The following POLK variants were observed in gnomAD, a reference collection of about 807,000 sequenced individuals.
POLK encodes polymerase (DNA directed) kappa.
A neutral mutation model predicts 94.0 loss-of-function variants in POLK; 76 were observed. That is an observed-to-expected ratio of 0.81 (90% CI 0.67 to 0.98). The LOEUF (loss-of-function observed/expected upper bound fraction) is 0.98. POLK is among the 50% of genes least tolerant of loss of function. The pLI, the probability that POLK is intolerant of heterozygous loss-of-function variation, is 0.00. For missense variants in POLK, 954 were observed against 1,010.1 expected, an observed-to-expected ratio of 0.94 and a Z score of 0.75; for synonymous variants, 349 against 325.4, an observed-to-expected ratio of 1.07 and a Z score of -0.78.
In POLK at chr5:75,573,830, G is replaced by A. The variant is rs961843021; in HGVS notation, c.501G>A (p.Val167=). ...GGCTGTGCCCACAACTTATAATAGT[G>A]CCCCCCAACTTTGACAAATACCGAG... Residue 167 remains valine (V), a synonymous_variant, in exon 5 of 15, where the codon GTG becomes GTA. Coordinates refer to ENST00000241436, the Ensembl canonical transcript of POLK. 3.7e-6 allele frequency: 6 copies of A among 1,613,268 alleles called. No homozygotes were observed. In the African/African-American group the frequency reaches 8.0e-5, roughly 22 times the overall value.
At chr5:75,559,084 C>T (rs1326551758) in intron 3 of POLK, among the ~76,000 whole-genome samples, 1 of 152,176 alleles carries the variant, frequency 6.6e-6, no homozygotes, top group Admixed American at 6.5e-5. Flanking sequence ...ATTTGTTGAG[C>T]TTCCTCCAAA....
intron 1 of POLK, among the ~76,000 whole-genome samples, chr5:75,537,835 GT>G (rs1008632302): frequency 6.6e-6 from 1 of 151,478 alleles, no homozygotes; most frequent in African/African-American, 2.4e-5. Context: ...TTCAAATTTT[GT>G]TTTTTTTATT....
At chr5:75,524,334 A>C (rs1768731311) in intron 1 of POLK, among the ~76,000 whole-genome samples, 1 of 152,128 alleles carries the variant, frequency 6.6e-6, no homozygotes, top group South Asian at 2.1e-4. Context: ...TGTGGGTTGA[A>C]TGACTGTCTT....
In POLK at chr5:75,547,177, T is replaced by C; in HGVS notation, c.135+20T>C. ...ACGAAGGTATGTTTCTTGTTTCTTT[T>C]GATGTGTGTAATTTAATGACCTTTT... is the stretch of plus-strand genomic sequence containing the variant. On this transcript the variant is annotated intron_variant, in intron 2 of 14. Transcript: ENST00000241436. The C allele has an allele frequency of 1.4e-6, 2 of 1,439,936 alleles. No individual in the cohort carries two copies. Among genetic ancestry groups the C allele is most frequent in the Non-Finnish European group, 1.9e-6 (2 of 1,063,828 alleles). The allele number at this position is 1,439,936 out of a possible 1,614,324, so 89.2% of individuals were successfully genotyped here.
At chr5:75,533,252 G>T (rs1769269544) in intron 1 of POLK, among the ~76,000 whole-genome samples, 1 of 152,036 alleles carries the variant, frequency 6.6e-6, no homozygotes, top group Non-Finnish European at 1.5e-5. Context: ...ATCTTGAGTT[G>T]ATTTTTGTGT....
At chr5:75,536,501 A>G (rs917569086) in intron 1 of POLK, among the ~76,000 whole-genome samples, 1 of 151,972 alleles carries the variant, frequency 6.6e-6, no homozygotes, top group Middle Eastern at 3.2e-3. Flanking sequence ...GGGTGTTTCC[A>G]TGGCAACAGG....
chr5:75,553,808 T>G (rs934526585), intron 3 of POLK, among the ~76,000 whole-genome samples: 6 of 152,214 alleles, frequency 3.9e-5, no homozygotes, highest in African/African-American at 1.4e-4. Context: ...TTATTCTGTT[T>G]GCGAGTATAT....
At chr5:75,523,397 A>G (rs1768680717) in intron 1 of POLK, among the ~76,000 whole-genome samples, 1 of 152,338 alleles carries the variant, frequency 6.6e-6, no homozygotes, top group East Asian at 1.9e-4. Flanking sequence ...GCAATCTAAG[A>G]GAATTATCAA....
At chr5:75,604,178 C>G (rs1288227606), downstream of POLK, among the ~76,000 whole-genome samples, 2 of 152,092 alleles carry the variant, frequency 1.3e-5, no homozygotes, top group African/African-American at 4.8e-5. Context: ...AGTGGACATT[C>G]CAGAAAGAGA....
intron 9 of POLK, among the ~76,000 whole-genome samples, chr5:75,586,535 C>T (rs1486934420): frequency 6.6e-6 from 1 of 152,108 alleles, no homozygotes; most frequent in Non-Finnish European, 1.5e-5. Context: ...TTCAGATTCC[C>T]AATCTTCATC....
chr5:75,523,584 G>T (rs993574008), intron 1 of POLK, among the ~76,000 whole-genome samples: 2 of 152,182 alleles, frequency 1.3e-5, no homozygotes, highest in South Asian at 4.1e-4. Flanking sequence ...TGGTTTTACT[G>T]TGGAATGAGA....
downstream of POLK, chr5:75,601,160 A>G (rs143723375): frequency 2.6e-5 from 4 of 152,336 alleles, no homozygotes; most frequent in East Asian, 7.7e-4. Context: ...TTCGTTAACA[A>G]GATGATATTT....
chr5:75,513,851 T>A (rs1310870754), intron 1 of POLK, among the ~76,000 whole-genome samples: 1 of 152,196 alleles, frequency 6.6e-6, no homozygotes. Flanking sequence ...GCTTAGCTTT[T>A]GAGTCTCTTC....
chr5:75,518,799 T>C (rs1768435905), intron 1 of POLK, among the ~76,000 whole-genome samples: 1 of 152,208 alleles, frequency 6.6e-6, no homozygotes, highest in African/African-American at 2.4e-5. Context: ...ATCCCATAGA[T>C]TTTGGTATTT....
intron 9 of POLK, among the ~76,000 whole-genome samples, chr5:75,585,250 C>T (rs921491730): frequency 1.3e-5 from 2 of 152,110 alleles, no homozygotes; most frequent in African/African-American, 4.8e-5. Flanking sequence ...GAAAGATGGC[C>T]GTATTCCATA....
intron 4 of POLK, among the ~76,000 whole-genome samples, chr5:75,573,433 C>G (rs981881345): frequency 6.6e-6 from 1 of 152,046 alleles, no homozygotes; most frequent in African/African-American, 2.4e-5. Flanking sequence ...TTAATGGGTG[C>G]AGCACACCAA....
At chr5:75,597,626 A>G (rs1773162552) in intron 13 of POLK, 121 bp from the exon 14 acceptor site, 1 of 488,946 alleles carries the variant, frequency 2.0e-6, no homozygotes, top group Non-Finnish European at 3.6e-6. Context: ...GTGTTTACAT[A>G]TGAACTATAT....
At chr5:75,598,714 G>A (rs1405337742) in exon 15 of POLK, 2 of 152,074 alleles carry the variant, frequency 1.3e-5, no homozygotes, top group Non-Finnish European at 2.9e-5. Flanking sequence ...TGTCAATTAT[G>A]TTGGTACTTT....
chr5:75,525,766 C>G (rs909921561), intron 1 of POLK, among the ~76,000 whole-genome samples: 1 of 152,140 alleles, frequency 6.6e-6, no homozygotes, highest in Non-Finnish European at 1.5e-5. Flanking sequence ...AAAAAGCTGT[C>G]AATTCAATTC....
Sources: gnomAD v4.1 joint callset for allele counts (sites outside exome capture counted in the v4.1 genomes callset) on GRCh38, gnomAD v4.1.1 for gene constraint, MANE v1.5 for transcripts, NCBI Gene and HGNC (gene_info 2026-07-23, HGNC 2026-07-21) for gene names.